The following TBC1D19 variants were observed in gnomAD, a reference collection of about 807,000 sequenced individuals.
The protein encoded by TBC1D19 is TBC1 domain family member 19.
A neutral mutation model predicts 89.0 loss-of-function variants in TBC1D19; 60 were observed. That is an observed-to-expected ratio of 0.67 (90% CI 0.55 to 0.84). TBC1D19 has a LOEUF of 0.84. Ranked by LOEUF, TBC1D19 falls within the 40% of genes least tolerant of loss-of-function variation. The pLI, the probability that TBC1D19 is intolerant of heterozygous loss-of-function variation, is 0.00. For synonymous variants in TBC1D19, 189 were observed against 199.7 expected (o/e 0.95, Z 0.45); for missense variants, 500 against 610.8 (o/e 0.82, Z 1.91).
chr4:26,832,881 C>T, the TBC1D19 span, among the ~76,000 whole-genome samples: 5 of 152,198 alleles, frequency 3.3e-5, no homozygotes, highest in African/African-American at 9.6e-5. Flanking sequence ...GTAATCCCAG[C>T]TACTAGGGAG....
intron 13 of TBC1D19, among the ~76,000 whole-genome samples, chr4:26,704,308 A>G (rs557530827): frequency 2.0e-5 from 3 of 150,408 alleles, no homozygotes; most frequent in Non-Finnish European, 4.4e-5. Context: ...AATTTTCACA[A>G]ACTACGTAAG....
the TBC1D19 span, among the ~76,000 whole-genome samples, chr4:26,830,970 A>C: frequency 6.6e-6 from 1 of 152,198 alleles, no homozygotes; most frequent in African/African-American, 2.4e-5. Flanking sequence ...GCAGATACCC[A>C]AAAGGGTCTA....
intron 1 of TBC1D19, among the ~76,000 whole-genome samples, chr4:26,595,515 C>G: frequency 6.6e-6 from 1 of 151,944 alleles, no homozygotes; most frequent in East Asian, 1.9e-4. Flanking sequence ...AGATTTTCTC[C>G]TATGTTGTCT....
At chr4:26,625,507 A>C (rs1278583921) in intron 4 of TBC1D19, among the ~76,000 whole-genome samples, 2 of 152,150 alleles carry the variant, frequency 1.3e-5, no homozygotes, top group Non-Finnish European at 2.9e-5. Flanking sequence ...TGGTTGATAC[A>C]TTATTATGAA....
intron 13 of TBC1D19, among the ~76,000 whole-genome samples, chr4:26,694,877 C>T (rs1484277539): frequency 6.6e-6 from 1 of 152,170 alleles, no homozygotes; most frequent in African/African-American, 2.4e-5. Flanking sequence ...GACATCCACA[C>T]CAAAATCCCA....
chr4:26,775,279 C>G, the TBC1D19 span, among the ~76,000 whole-genome samples: 2 of 152,144 alleles, frequency 1.3e-5, no homozygotes, highest in African/African-American at 4.8e-5. Context: ...TAGTGAGACC[C>G]TGTCTCTACA....
At chr4:26,710,027 G>GT (rs201142872) in intron 13 of TBC1D19, among the ~76,000 whole-genome samples, 2,347 of 150,406 alleles carry the variant, frequency 0.016, 55 homozygotes, top group African/African-American at 0.053. Flanking sequence ...AGGGCAGAGT[G>GT]TTTTTTTTTA....
At chr4:26,724,227 G>C (rs561691331) in intron 15 of TBC1D19, among the ~76,000 whole-genome samples, 1 of 152,312 alleles carries the variant, frequency 6.6e-6, no homozygotes, top group Admixed American at 6.5e-5. Context: ...GTCAGTTAGG[G>C]AGATAGTTGA....
the TBC1D19 span, chr4:26,857,786 G>C: frequency 3.3e-5 from 5 of 152,332 alleles, no homozygotes; most frequent in Admixed American, 1.3e-4. Flanking sequence ...GTGCGGGAGC[G>C]AGGGGAGAAG....
intron 13 of TBC1D19, among the ~76,000 whole-genome samples, chr4:26,709,114 C>A (rs12498454): frequency 0.46 from 69,262 of 151,594 alleles, 17,577 homozygotes; most frequent in Admixed American, 0.6. Context: ...GATTCTTTTT[C>A]TTCCCAGCGT....
At chr4:26,659,442 AT>A (rs1745079153) in intron 7 of TBC1D19, among the ~76,000 whole-genome samples, 154 bp from the exon 8 acceptor site, 1 of 152,152 alleles carries the variant, frequency 6.6e-6, no homozygotes, top group African/African-American at 2.4e-5. Context: ...ACATTTCAAT[AT>A]ACTTTTATAC....
chr4:26,614,476 C>T, intron 3 of TBC1D19, 23 bp downstream of exon 3: 1 of 1,563,118 alleles, frequency 6.4e-7, no homozygotes, highest in East Asian at 2.3e-5. Context: ...ACCTATTTTA[C>T]AATAGTATTT....
At chr4:26,648,090 C>A (rs1046470184) in intron 7 of TBC1D19, among the ~76,000 whole-genome samples, 15 of 152,008 alleles carry the variant, frequency 9.9e-5, no homozygotes, top group African/African-American at 3.6e-4. Context: ...CAGGGTACAC[C>A]CACATGTGGC....
chr4:26,702,199 A>G (rs1291763190), intron 13 of TBC1D19: 1 of 152,194 alleles, frequency 6.6e-6, no homozygotes, highest in African/African-American at 2.4e-5. Flanking sequence ...TCTTTTCCAC[A>G]TGTAAGTGAC....
the TBC1D19 span, among the ~76,000 whole-genome samples, chr4:26,785,890 C>A: frequency 6.6e-6 from 1 of 152,222 alleles, no homozygotes; most frequent in African/African-American, 2.4e-5. Context: ...GATTTGTATT[C>A]CACTCACCAG....
rs549314776 is a variant in TBC1D19, at chr4:26,717,112, C to T, written c.955-821C>T. On this transcript the variant is annotated intron_variant, in intron 13 of 20. Coordinates refer to ENST00000264866, the MANE Select transcript of TBC1D19 (RefSeq NM_018317.4). ...TTTTTTCCAAAGCTGTATCCCCTTT[C>T]TTGTGTCTTGGACACAAGGATTTTT... is the stretch of plus-strand genomic sequence containing the variant. Among the ~76,000 whole-genome samples the T allele has an allele frequency of 2.6e-5, 4 of 152,224 alleles. No individual in the cohort carries two copies. In the South Asian group the frequency reaches 8.3e-4, roughly 32 times the overall value.
At chr4:26,680,378 C>T (rs893471571) in intron 11 of TBC1D19, among the ~76,000 whole-genome samples, 4 of 151,984 alleles carry the variant, frequency 2.6e-5, no homozygotes, top group Admixed American at 6.6e-5. Flanking sequence ...ATCTTTTTTT[C>T]TGCCTTTTCC....
chr4:26,600,157 T>C (rs1256580843), intron 1 of TBC1D19, among the ~76,000 whole-genome samples: 1 of 151,970 alleles, frequency 6.6e-6, no homozygotes, highest in Non-Finnish European at 1.5e-5. Context: ...AATAATAGAA[T>C]TGCAAAAGGA....
At chr4:26,789,420 A>G in the TBC1D19 span, among the ~76,000 whole-genome samples, 10 of 152,218 alleles carry the variant, frequency 6.6e-5, no homozygotes, top group Non-Finnish European at 1.5e-4. Flanking sequence ...ACATTTTTCA[A>G]AAGAAGACAA....
Sources: gnomAD v4.1 joint callset for allele counts (sites outside exome capture counted in the v4.1 genomes callset) on GRCh38, gnomAD v4.1.1 for gene constraint, MANE v1.5 for transcripts, NCBI Gene and HGNC (gene_info 2026-07-23, HGNC 2026-07-21) for gene names.